The following CCDC7 variants were observed in gnomAD, a reference collection of about 807,000 sequenced individuals.
The protein encoded by CCDC7 is coiled-coil domain-containing protein 7.
CCDC7 carries 183 observed loss-of-function variants against 196.9 expected under a neutral mutation model. The ratio of observed to expected loss-of-function variants is 0.93; its 90% CI spans 0.82 to 1.05. The LOEUF (loss-of-function observed/expected upper bound fraction) is 1.05. Among genes scored for constraint, CCDC7 ranks in the 50% least tolerant of loss-of-function variants. The pLI is 0.00. For missense variants in CCDC7, 1,540 were observed against 1,482.2 expected (o/e 1.04, Z -0.64); for synonymous variants, 525 against 484.6 (o/e 1.08, Z -1.10).
intron 24 of CCDC7, among the ~76,000 whole-genome samples, chr10:32,699,017 T>C (rs1279278836): frequency 6.6e-6 from 1 of 152,150 alleles, no homozygotes; most frequent in Non-Finnish European, 1.5e-5. Context: ...CAGCAGAAAC[T>C]GTACAAGCCA....
intron 21 of CCDC7, among the ~76,000 whole-genome samples, chr10:32,684,696 G>A (rs1335708655): frequency 2.0e-5 from 3 of 152,210 alleles, no homozygotes. Flanking sequence ...CTTCTAGTCA[G>A]CCATGTTGGT....
At chr10:32,573,935 A>G (rs1477644131) in intron 16 of CCDC7, among the ~76,000 whole-genome samples, 2 of 152,210 alleles carry the variant, frequency 1.3e-5, no homozygotes, top group South Asian at 2.1e-4. Context: ...CCGACTAGAC[A>G]TGTACAAAAA....
chr10:32,750,503 G>GT (rs1298394696), intron 28 of CCDC7, among the ~76,000 whole-genome samples: 1 of 152,164 alleles, frequency 6.6e-6, no homozygotes, highest in African/African-American at 2.4e-5. Flanking sequence ...GGAGAGAGTA[G>GT]TGTAATAAGA....
intron 29 of CCDC7, among the ~76,000 whole-genome samples, chr10:32,797,131 A>G (rs756944071): frequency 1.3e-5 from 2 of 151,914 alleles, no homozygotes; most frequent in Non-Finnish European, 2.9e-5. Context: ...ATGCCCATCA[A>G]TCAACGAGTG....
chr10:32,578,802 G>A (rs1223287696), intron 16 of CCDC7, among the ~76,000 whole-genome samples: 1 of 152,084 alleles, frequency 6.6e-6, no homozygotes, highest in Non-Finnish European at 1.5e-5. Context: ...TGCTTTAAGT[G>A]ATATAGAATG....
chr10:32,500,916 C>G (rs1205903264), intron 9 of CCDC7, among the ~76,000 whole-genome samples: 1 of 152,170 alleles, frequency 6.6e-6, no homozygotes, highest in African/African-American at 2.4e-5. Flanking sequence ...CGTGGCGGCG[C>G]GTGCCTGCAA....
At chr10:32,536,849 A>G (rs998032005) in intron 11 of CCDC7, among the ~76,000 whole-genome samples, 3 of 152,164 alleles carry the variant, frequency 2.0e-5, no homozygotes, top group Non-Finnish European at 2.9e-5. Context: ...TTATAGCTAC[A>G]TAGTATTCCA....
chr10:32,777,035 T>C (rs2080172103), intron 28 of CCDC7, among the ~76,000 whole-genome samples: 1 of 152,140 alleles, frequency 6.6e-6, no homozygotes, highest in Non-Finnish European at 1.5e-5. Context: ...CAAGAGGTCA[T>C]TTTACCCCTT....
Position 32,650,858 on chromosome 10 carries a change from A to T in CCDC7, c.2015-13196A>T, listed in dbSNP as rs574940716. 3.3e-5 allele frequency among the ~76,000 whole-genome samples: 5 copies of T among 152,306 alleles called. No individual in the cohort carries two copies. The East Asian group carries it at 9.7e-4, about 29-fold the overall frequency. On this transcript the variant is annotated intron_variant, in intron 20 of 41. Coordinates refer to ENST00000639629, the Ensembl canonical transcript of CCDC7. ...TGCACTCAGGTGGAGCAAAACACCC[A>T]GTCTGGGCAGTGGAGGCTGCATTAT...
chr10:32,460,467 T>G (rs2035388371), intron 3 of CCDC7, among the ~76,000 whole-genome samples: 1 of 152,186 alleles, frequency 6.6e-6, no homozygotes, highest in Non-Finnish European at 1.5e-5. Flanking sequence ...GTGGTTTAAA[T>G]TATTGTAGAA....
At chr10:32,760,016 A>G (rs2077173535) in intron 28 of CCDC7, among the ~76,000 whole-genome samples, 1 of 152,208 alleles carries the variant, frequency 6.6e-6, no homozygotes, top group African/African-American at 2.4e-5. Flanking sequence ...ACTGGCCATC[A>G]GAGAAATGCA....
intron 29 of CCDC7, among the ~76,000 whole-genome samples, chr10:32,781,231 AAAG>A (rs2081015154): frequency 6.6e-6 from 1 of 152,184 alleles, no homozygotes; most frequent in Admixed American, 6.5e-5. Flanking sequence ...CCAAATATTT[AAAG>A]AAGAATTAAA....
Position 32,704,488 on chromosome 10 carries a change from C to T in CCDC7, c.2459-7132C>T, listed in dbSNP as rs191612512. ...CACTTGAGGAGGCAGTCAGTCCATTCTCAGATCTCAAACTCCATGCTGGGA... is the reference window on the plus strand; with the variant it reads ...CACTTGAGGAGGCAGTCAGTCCATTTTCAGATCTCAAACTCCATGCTGGGA... On this transcript the variant is annotated intron_variant, in intron 24 of 41. Transcript: ENST00000639629. Among the ~76,000 whole-genome samples the T allele has an allele frequency of 5.3e-3, 808 of 152,258 alleles. 14 individuals are homozygous for T. The highest frequency in any genetic ancestry group is 0.014 in the Middle Eastern group (4 of 294).
At chr10:32,693,090 G>T (rs1275430283) in intron 23 of CCDC7, among the ~76,000 whole-genome samples, 2 of 152,118 alleles carry the variant, frequency 1.3e-5, no homozygotes, top group East Asian at 3.9e-4. Flanking sequence ...CCAATAGTGA[G>T]GGTTTATGTC....
intron 18 of CCDC7, among the ~76,000 whole-genome samples, chr10:32,596,730 A>C (rs773291290): frequency 6.6e-6 from 1 of 152,194 alleles, no homozygotes; most frequent in Non-Finnish European, 1.5e-5. Flanking sequence ...TGTGATAACA[A>C]AATCTCTCCG....
intron 11 of CCDC7, among the ~76,000 whole-genome samples, chr10:32,526,030 A>AGT (rs906046362): frequency 5.3e-5 from 8 of 152,128 alleles, no homozygotes; most frequent in Non-Finnish European, 1.2e-4. Context: ...CCAAGCCCTA[A>AGT]GTGTGTTCAG....
chr10:32,643,309 T>C (rs920413054), intron 20 of CCDC7, among the ~76,000 whole-genome samples: 5 of 152,198 alleles, frequency 3.3e-5, no homozygotes, highest in African/African-American at 1.2e-4. Flanking sequence ...GTGTCTTACA[T>C]TGACATACTA....
chr10:32,613,488 C>A (rs887570357), intron 18 of CCDC7, among the ~76,000 whole-genome samples: 1 of 152,024 alleles, frequency 6.6e-6, no homozygotes, highest in Non-Finnish European at 1.5e-5. Context: ...TTCTCTAGTT[C>A]TTTTAATTGT....
intron 24 of CCDC7, among the ~76,000 whole-genome samples, chr10:32,710,297 A>G (rs995013354): frequency 2.6e-5 from 4 of 152,186 alleles, no homozygotes; most frequent in Non-Finnish European, 4.4e-5. Context: ...ATGAGTCTCA[A>G]TCCCTTGCTG....
Sources: allele counts gnomAD v4.1 joint callset (sites outside exome capture counted in the v4.1 genomes callset), GRCh38; gene constraint gnomAD v4.1.1; transcripts MANE v1.5; gene names NCBI Gene and HGNC (gene_info 2026-07-23, HGNC 2026-07-21).